The following XPR1 variants were observed in gnomAD, a reference collection of about 807,000 sequenced individuals.
The protein encoded by XPR1 is xenotropic and polytropic retrovirus receptor 1.
XPR1 carries 28 observed loss-of-function variants against 87.5 expected under a neutral mutation model. That is an observed-to-expected ratio of 0.32 (90% CI 0.24 to 0.44). The LOEUF (loss-of-function observed/expected upper bound fraction) is 0.44, where lower values mean the gene tolerates loss of function less well. Among genes scored for constraint, XPR1 ranks in the 20% least tolerant of loss-of-function variants. The pLI, the probability that XPR1 is intolerant of heterozygous loss-of-function variation, is 1.00. For missense variants in XPR1, 559 were observed against 862.3 expected, an observed-to-expected ratio of 0.65 and a Z score of 4.41; for synonymous variants, 300 against 306.1, an observed-to-expected ratio of 0.98 and a Z score of 0.21.
At chr1:180,648,289 C>G (rs1226305161) in intron 1 of XPR1, among the ~76,000 whole-genome samples, 1 of 152,170 alleles carries the variant, frequency 6.6e-6, no homozygotes, top group Non-Finnish European at 1.5e-5. Context: ...GGTTAAGGTT[C>G]TAGGTCTGTC....
chr1:180,776,530 G>T (rs559230479), intron 2 of XPR1, among the ~76,000 whole-genome samples: 8 of 151,910 alleles, frequency 5.3e-5, no homozygotes, highest in African/African-American at 1.9e-4. Flanking sequence ...GTAAATGATT[G>T]CAGGGTACCA....
At chr1:180,659,275 T>A (rs1571690833) in intron 1 of XPR1, among the ~76,000 whole-genome samples, 1 of 120,466 alleles carries the variant, frequency 8.3e-6, no homozygotes, top group Non-Finnish European at 1.7e-5. Flanking sequence ...CCTCCCTCCC[T>A]CCCTTCTTTC....
At chr1:180,724,142 A>T (rs528392557) in intron 2 of XPR1, among the ~76,000 whole-genome samples, 25 of 152,304 alleles carry the variant, frequency 1.6e-4, no homozygotes, top group Non-Finnish European at 3.2e-4. Context: ...CTAATGTGAG[A>T]CACATGTTCT....
intron 11 of XPR1, among the ~76,000 whole-genome samples, chr1:180,863,415 A>G (rs1652282405): frequency 6.6e-6 from 1 of 152,170 alleles, no homozygotes; most frequent in Non-Finnish European, 1.5e-5. Context: ...GTAACATTCG[A>G]CGCCTTCATT....
chr1:180,843,464 G>T (rs1651581410), intron 11 of XPR1, among the ~76,000 whole-genome samples: 1 of 151,894 alleles, frequency 6.6e-6, no homozygotes, highest in Admixed American at 6.5e-5. Context: ...ATTTATCTTG[G>T]CAATATTTGC....
At chr1:180,868,697 G>C in intron 12 of XPR1, among the ~76,000 whole-genome samples, 1 of 115,734 alleles carries the variant, frequency 8.6e-6, no homozygotes, top group African/African-American at 3.8e-5. Context: ...TTGCTTATCA[G>C]CTTAAGGAGA....
At chr1:180,641,829 T>G (rs1183128140) in intron 1 of XPR1, among the ~76,000 whole-genome samples, 1 of 152,212 alleles carries the variant, frequency 6.6e-6, no homozygotes, top group Non-Finnish European at 1.5e-5. Context: ...GAGCCTGATA[T>G]AAGAATATTG....
chr1:180,761,456 C>T (rs551864430), intron 2 of XPR1, among the ~76,000 whole-genome samples: 78 of 152,130 alleles, frequency 5.1e-4, no homozygotes, highest in African/African-American at 1.5e-3. Context: ...AAAAAGTGGG[C>T]GAAGGATATG....
At chr1:180,715,579 C>T (rs1657961875) in intron 2 of XPR1, among the ~76,000 whole-genome samples, 1 of 152,042 alleles carries the variant, frequency 6.6e-6, no homozygotes, top group African/African-American at 2.4e-5. Flanking sequence ...AAATATAGTT[C>T]AGAAGAAGAT....
intron 2 of XPR1, among the ~76,000 whole-genome samples, chr1:180,777,224 C>T (rs1197397866): frequency 6.6e-6 from 1 of 152,162 alleles, no homozygotes; most frequent in South Asian, 2.1e-4. Context: ...CCAGTGCCCT[C>T]ACCCTAGTTG....
In XPR1 at chr1:180,682,545, A is replaced by G. The variant is rs148237363; in HGVS notation, c.121+134A>G. The G allele has an allele frequency of 3.8e-4, 139 of 362,820 alleles. No homozygotes were observed. In the Admixed American group the frequency reaches 4.0e-3, roughly 10 times the overall value. 22.5% of individuals were successfully genotyped at this position (362,820 alleles called of 1,614,324 possible). On this transcript the variant is annotated intron_variant, in intron 2 of 14. Coordinates refer to ENST00000367590, the MANE Select transcript of XPR1 (RefSeq NM_004736.4). The stretch of plus-strand genomic sequence containing the variant: ...GTCTTTTTTTCCCTTTTAATAATAT[A>G]TATTATGATTATTTTATATTTTATT...
At chr1:180,811,378 G>A in intron 6 of XPR1, 29 bp from the exon 7 acceptor site, 1 of 1,578,566 alleles carries the variant, frequency 6.3e-7, no homozygotes, top group East Asian at 2.2e-5. Context: ...GTTTTGTCCT[G>A]TACTCAAATA....
At chr1:180,766,277 G>T (rs1021340111) in intron 2 of XPR1, among the ~76,000 whole-genome samples, 1 of 152,142 alleles carries the variant, frequency 6.6e-6, no homozygotes, top group Admixed American at 6.5e-5. Flanking sequence ...TGTACAGATT[G>T]GTGCTGATGG....
At chr1:180,852,205 GT>G (rs891711902) in intron 11 of XPR1, among the ~76,000 whole-genome samples, 4 of 151,254 alleles carry the variant, frequency 2.6e-5, no homozygotes, top group African/African-American at 4.9e-5. Context: ...AAGTTCTGTG[GT>G]TTTTTTTTAA....
intron 2 of XPR1, among the ~76,000 whole-genome samples, chr1:180,772,791 A>G (rs779125843): frequency 2.0e-5 from 3 of 152,206 alleles, no homozygotes; most frequent in Non-Finnish European, 4.4e-5. Context: ...AGGCCTCCTC[A>G]GCCATGTGGA....
At chr1:180,758,481 G>A (rs1181030222) in intron 2 of XPR1, among the ~76,000 whole-genome samples, 3 of 152,142 alleles carry the variant, frequency 2.0e-5, no homozygotes, top group Non-Finnish European at 4.4e-5. Context: ...GCCGAGGTGG[G>A]TGGATCATTT....
At chr1:180,747,898 C>T (rs12121436) in intron 2 of XPR1, among the ~76,000 whole-genome samples, 47,594 of 152,070 alleles carry the variant, frequency 0.31, 8,184 homozygotes, top group Non-Finnish European at 0.38. Flanking sequence ...GTGAAACAAA[C>T]CTTTTATTTA....
At chr1:180,824,009 C>T (rs183896077) in intron 7 of XPR1, among the ~76,000 whole-genome samples, 1 of 152,292 alleles carries the variant, frequency 6.6e-6, no homozygotes, top group East Asian at 1.9e-4. Context: ...TGTTCCTTCT[C>T]ATTTTCATGG....
At chr1:180,769,106 C>T (rs1648401207) in intron 2 of XPR1, among the ~76,000 whole-genome samples, 1 of 151,416 alleles carries the variant, frequency 6.6e-6, no homozygotes, top group Non-Finnish European at 1.5e-5. Context: ...TTTTTTAAAA[C>T]ATACATTTTT....
Sources: gnomAD v4.1 joint callset for allele counts (sites outside exome capture counted in the v4.1 genomes callset) on GRCh38, gnomAD v4.1.1 for gene constraint, MANE v1.5 for transcripts, NCBI Gene and HGNC (gene_info 2026-07-23, HGNC 2026-07-21) for gene names.